The following ERBIN variants were observed in gnomAD, a reference collection of about 807,000 sequenced individuals.
The protein encoded by ERBIN is erbb2 interacting protein.
A neutral mutation model predicts 158.4 loss-of-function variants in ERBIN; 60 were observed. The observed-to-expected ratio is 0.38, with a 90% CI of 0.31 to 0.47. The LOEUF is 0.47. Among genes scored for constraint, ERBIN ranks in the 20% least tolerant of loss-of-function variants. The probability of loss-of-function intolerance (pLI) is 0.99; values close to 1 mark genes in which losing one functional copy is unlikely to be tolerated. For synonymous variants in ERBIN, 594 were observed against 557.2 expected (o/e 1.07, Z -0.93); for missense variants, 1,610 against 1,648.0 (o/e 0.98, Z 0.40).
intron 4 of ERBIN, among the ~76,000 whole-genome samples, chr5:66,007,548 A>AT (rs1753744991): frequency 2.2e-5 from 1 of 45,126 alleles, no homozygotes; most frequent in African/African-American, 6.8e-5. Context: ...AAGTATAATA[A>AT]AAAAAAAAAA....
intron 4 of ERBIN, among the ~76,000 whole-genome samples, chr5:65,996,104 T>G (rs182363275): frequency 7.0e-4 from 107 of 152,288 alleles, no homozygotes; most frequent in African/African-American, 2.6e-3. Context: ...AGCTGCTGTT[T>G]TGTGTGGTGT....
intron 1 of ERBIN, among the ~76,000 whole-genome samples, chr5:65,976,423 A>T (rs1184494330): frequency 6.6e-6 from 1 of 152,184 alleles, no homozygotes; most frequent in Non-Finnish European, 1.5e-5. Flanking sequence ...CAGTGAGCTG[A>T]GATCGCACCA....
At chr5:66,051,169 ATAGAC>A (rs1443554465) in intron 20 of ERBIN, among the ~76,000 whole-genome samples, 1 of 152,286 alleles carries the variant, frequency 6.6e-6, no homozygotes, top group South Asian at 2.1e-4. Flanking sequence ...ATGGGGAAGA[ATAGAC>A]TAGATTCTCA....
intron 4 of ERBIN, among the ~76,000 whole-genome samples, chr5:66,009,281 A>C (rs1753948242): frequency 6.6e-6 from 1 of 152,242 alleles, no homozygotes; most frequent in Non-Finnish European, 1.5e-5. Flanking sequence ...TGATCACTTA[A>C]AAACAATTGT....
intron 1 of ERBIN, among the ~76,000 whole-genome samples, chr5:65,933,777 C>G (rs1243786061): frequency 6.6e-6 from 1 of 152,072 alleles, no homozygotes; most frequent in Non-Finnish European, 1.5e-5. Flanking sequence ...TTCAGCACTG[C>G]TATAGATATT....
rs927775258 is a variant in ERBIN, at chr5:66,038,913, G to A, written c.1306+431G>A. 2.6e-5 allele frequency among the ~76,000 whole-genome samples: 4 copies of A among 151,826 alleles called. No homozygotes were observed. In the South Asian group the frequency reaches 6.2e-4, roughly 24 times the overall value. ...TTAAATTCTTTTCTTTATTTTGCCC[G>A]ACAAGGGGGAGTATACCTTTTACTA... is the stretch of plus-strand genomic sequence containing the variant. On this transcript the variant is annotated intron_variant, in intron 15 of 25. Transcript: ENST00000284037.
At chr5:66,034,685 C>T (rs1421064626) in intron 14 of ERBIN, among the ~76,000 whole-genome samples, 1 of 151,354 alleles carries the variant, frequency 6.6e-6, no homozygotes, top group East Asian at 1.9e-4. Flanking sequence ...CATGTAGAGC[C>T]TAGTTGAAGT....
chr5:65,929,058 T>C (rs1416623094), intron 1 of ERBIN, among the ~76,000 whole-genome samples: 1 of 152,218 alleles, frequency 6.6e-6, no homozygotes, highest in Non-Finnish European at 1.5e-5. Context: ...AGTAGTACTG[T>C]TACGAGGTCT....
intron 21 of ERBIN, among the ~76,000 whole-genome samples, chr5:66,058,626 A>G (rs1282539676): frequency 1.3e-5 from 2 of 150,168 alleles, no homozygotes; most frequent in African/African-American, 5.0e-5. Flanking sequence ...TATGTCCTGA[A>G]TGGTATTGCC....
chr5:65,987,115 C>T (rs1008494862), intron 1 of ERBIN, among the ~76,000 whole-genome samples: 2 of 152,126 alleles, frequency 1.3e-5, no homozygotes, highest in African/African-American at 4.8e-5. Context: ...CGGCACTTCA[C>T]CCCCAAAGCA....
At chr5:66,074,475 G>A (rs1289570223) in intron 22 of ERBIN, among the ~76,000 whole-genome samples, 1 of 152,078 alleles carries the variant, frequency 6.6e-6, no homozygotes, top group Non-Finnish European at 1.5e-5. Flanking sequence ...TTTCTACATA[G>A]ATAGCTGAAT....
chr5:66,023,849 T>A (rs1008918076), intron 9 of ERBIN, among the ~76,000 whole-genome samples: 2 of 152,052 alleles, frequency 1.3e-5, no homozygotes, highest in Non-Finnish European at 2.9e-5. Context: ...CTAATTTTTT[T>A]TTATTTTTTA....
At chr5:66,030,379 G>A (rs930591976) in intron 14 of ERBIN, among the ~76,000 whole-genome samples, 10 of 151,958 alleles carry the variant, frequency 6.6e-5, no homozygotes, top group Admixed American at 2.6e-4. Flanking sequence ...TACCGTATCT[G>A]TTATATGTGG....
chr5:66,033,415 A>G (rs1757085925), intron 14 of ERBIN, among the ~76,000 whole-genome samples: 1 of 152,230 alleles, frequency 6.6e-6, no homozygotes. Flanking sequence ...AGGCTTAAAG[A>G]GAGTAGCCAT....
intron 14 of ERBIN, 112 bp downstream of exon 14, chr5:66,028,455 A>C: frequency 1.7e-6 from 1 of 596,650 alleles, no homozygotes; most frequent in Non-Finnish European, 2.8e-6. Context: ...TACACATGTA[A>C]ACATATCTTT....
At chr5:66,065,590 CCTGTGTGTGTGTG>C (rs1324757630) in intron 21 of ERBIN, among the ~76,000 whole-genome samples, 14 of 109,390 alleles carry the variant, frequency 1.3e-4, no homozygotes, top group African/African-American at 4.2e-4. Context: ...TTAATTTTGA[CCTGTGTGTGTGTG>C]TGTGTGTGTG....
At chr5:65,932,152 AAC>A (rs1437455450) in intron 1 of ERBIN, among the ~76,000 whole-genome samples, 1 of 152,010 alleles carries the variant, frequency 6.6e-6, no homozygotes, top group Non-Finnish European at 1.5e-5. Flanking sequence ...GACCATGGAC[AAC>A]ACAGTGAAAC....
At chr5:66,015,082 G>A (rs1314677770) in intron 7 of ERBIN, among the ~76,000 whole-genome samples, 1 of 152,088 alleles carries the variant, frequency 6.6e-6, no homozygotes, top group African/African-American at 2.4e-5. Flanking sequence ...AAGATCCATA[G>A]GATCTTCATG....
chr5:65,995,740 G>T (rs1018024176), intron 4 of ERBIN, among the ~76,000 whole-genome samples: 8 of 152,160 alleles, frequency 5.3e-5, no homozygotes, highest in African/African-American at 1.4e-4. Flanking sequence ...CCCACCAACA[G>T]TGTGCAAGCA....
Sources: gnomAD v4.1 joint callset for allele counts (sites outside exome capture counted in the v4.1 genomes callset) on GRCh38, gnomAD v4.1.1 for gene constraint, MANE v1.5 for transcripts, NCBI Gene and HGNC (gene_info 2026-07-23, HGNC 2026-07-21) for gene names.